ABHD14B: variants seen among roughly 807,000 people sequenced by gnomAD.
The protein encoded by ABHD14B is putative protein-lysine deacylase ABHD14B.
Under a neutral mutation model 15.4 loss-of-function variants are expected in ABHD14B, and 19 were observed. The ratio of observed to expected loss-of-function variants is 1.23; its 90% CI spans 0.86 to 1.81. The LOEUF is 1.81. Ranked by LOEUF, ABHD14B falls within the 40% of genes most tolerant of loss-of-function variation. ABHD14B has a pLI of 0.00. For missense variants in ABHD14B, 243 were observed against 267.0 expected (o/e 0.91, Z 0.63); for synonymous variants, 92 against 117.3 (o/e 0.78, Z 1.39).
In ABHD14B at chr3:51,970,087, G is replaced by A. The variant is rs565123236; in HGVS notation, c.309C>T (p.Gly103=). The A allele has an allele frequency of 1.2e-6, 2 of 1,602,822 alleles. No homozygotes were observed. The highest frequency in any genetic ancestry group is 1.7e-6 in the Non-Finnish European group (2 of 1,173,274). The part of the protein sequence containing the change: ...LAAVVDALEL[G]PPVVISPSLS... ...GTGATGGACTGATCACAACCGGGGG[G>A]CCCAGCTCCAAGGCATCCACCACAG... The change falls in exon 3 of 4, where the codon GGC becomes GGT. Residue 103 remains glycine (G), a synonymous_variant. Transcript: ENST00000361143.
At chr3:51,970,917 C>A (rs112540813) in intron 2 of ABHD14B, 4,961 of 443,146 alleles carry the variant, frequency 0.011, 209 homozygotes, top group African/African-American at 0.088. Context: ...CCCATCTACC[C>A]TAGAACCCAG....
At position 51,971,649 on chromosome 3, in the gene ABHD14B, G is replaced by A. The variant is rs141310936; in HGVS notation, c.22C>T (p.Arg8Cys). 8,392 of 1,611,668 alleles carry A rather than the reference G, an allele frequency of 5.2e-3. 43 individuals carry two copies. The highest frequency in any genetic ancestry group is 6.2e-3 in the Non-Finnish European group (7,348 of 1,179,240). The stretch of plus-strand genomic sequence containing the variant: ...CCCTGCACCTGGATGGTGCCCTCGC[G>A]CTGCTCCACGCTTGCTGCCATGCCT... MAASVEQ[R>C]EGTIQVQGQA... Residue 8 changes from arginine to cysteine, a missense_variant, in exon 2 of 4, where the codon CGC becomes TGC. Coordinates refer to ENST00000361143, the MANE Select transcript of ABHD14B (RefSeq NM_001146314.2).
At chr3:51,971,955 A>T in intron 1 of ABHD14B, 1 of 658,066 alleles carries the variant, frequency 1.5e-6, no homozygotes, top group Non-Finnish European at 2.1e-6. Flanking sequence ...AGTTTAAGAA[A>T]AATTATCGGC....
rs373861935 is a variant in ABHD14B at position 51,969,403 on chromosome 3, A to G, written c.*23T>C. The G allele has an allele frequency of 6.3e-4, 998 of 1,586,722 alleles. No individual in the cohort carries two copies. Among genetic ancestry groups the G allele is most frequent in the Non-Finnish European group, 7.6e-4 (886 of 1,165,682 alleles). ...AGAGCTCAGAGCAGGCAGGCAGCCC[A>G]CCCCCTGCAGCAGTGCTGGGCTTCA... On this transcript the variant is annotated 3_prime_UTR_variant, in exon 4 of 4. Transcript: ENST00000361143.
intron 1 of ABHD14B, among the ~76,000 whole-genome samples, chr3:51,973,098 T>G (rs1700688409): frequency 7.0e-6 from 1 of 142,378 alleles, no homozygotes; most frequent in African/African-American, 2.7e-5. Flanking sequence ...CAGGCTGGAG[T>G]GCAATGGCAC....
chr3:51,970,695 CCAA>C, intron 2 of ABHD14B: 1 of 457,174 alleles, frequency 2.2e-6, no homozygotes, highest in East Asian at 6.9e-5. Context: ...TCAGGCTTCA[CCAA>C]CAAGATTAGC....
chr3:51,973,787 G>T, intron 1 of ABHD14B, 178 bp downstream of exon 1: 2 of 1,266,712 alleles, frequency 1.6e-6, no homozygotes, highest in Admixed American at 2.3e-5. Context: ...TTGACCTCGC[G>T]GTCAGGTTGC....
In ABHD14B at chr3:51,969,585, A is replaced by G. The variant is rs569566555; in HGVS notation, c.474T>C (p.Tyr158=). Residue 158 remains tyrosine (Y), a synonymous_variant, in exon 4 of 4, where the codon TAT becomes TAC. Transcript: ENST00000361143. ...TCTGACCCATGGGGTCCTGGTCTCC[A>G]TATACAATCAGAGCTGGAGTCTGAG... ...ASVKTPALIV[Y]GDQDPMGQTS... 15 of 1,613,392 alleles carry G rather than the reference A, an allele frequency of 9.3e-6. No homozygotes were observed. The South Asian group carries it at 1.2e-4, about 13-fold the overall frequency.
chr3:51,973,646 G>C (rs1700709577), intron 1 of ABHD14B: 2 of 373,374 alleles, frequency 5.4e-6, no homozygotes, highest in Non-Finnish European at 1.0e-5. Context: ...ACCCCCAGTA[G>C]CTGGAACCAC....
Position 51,971,263 on chromosome 3 carries a change from T to G in ABHD14B, c.211+197A>C, listed in dbSNP as rs1202747194. 1.2e-5 allele frequency: 7 copies of G among 581,654 alleles called. No homozygotes were observed. The African/African-American group carries it at 1.3e-4, about 11-fold the overall frequency. The allele number at this position is 581,654 out of a possible 1,614,324, so 36.0% of individuals were successfully genotyped here. ...GAGCAGCTGGGCGGTGAGGACCACA[T>G]CTGGATCAAGACTGCTCAGAGGCCC... On this transcript the variant is annotated intron_variant, in intron 2 of 3. Transcript: ENST00000361143.
chr3:51,969,575 C>A lies in ABHD14B; in HGVS notation c.484G>T (p.Asp162Tyr). 6 of 1,613,664 alleles carry A rather than the reference C, an allele frequency of 3.7e-6. No individual in the cohort carries two copies. The highest frequency in any genetic ancestry group is 5.1e-6 in the Non-Finnish European group (6 of 1,179,950). Residue 162 changes from aspartate to tyrosine, a missense_variant, in exon 4 of 4, where the codon GAC (aspartate) becomes TAC (tyrosine). Transcript: ENST00000361143. ...TPALIVYGDQ[D>Y]PMGQTSFEHL... ...TCAAAGCTGGTCTGACCCATGGGGT[C>A]CTGGTCTCCATATACAATCAGAGCT...
intron 3 of ABHD14B, 37 bp downstream of exon 3, chr3:51,969,906 C>G (rs1184212781): frequency 6.2e-7 from 1 of 1,614,172 alleles, no homozygotes; most frequent in Non-Finnish European, 8.5e-7. Flanking sequence ...CTTCCTTGCT[C>G]CTGGCAGGGG....
intron 2 of ABHD14B, 42 bp from the exon 3 acceptor site, chr3:51,970,226 G>A: frequency 4.6e-6 from 7 of 1,516,060 alleles, no homozygotes; most frequent in Non-Finnish European, 3.5e-6. Context: ...CAAGGGCAGT[G>A]AATGGCAAAA....
intron 3 of ABHD14B, 51 bp downstream of exon 3, chr3:51,969,892 C>T (rs1700620864): frequency 6.2e-7 from 1 of 1,613,968 alleles, no homozygotes; most frequent in Non-Finnish European, 8.5e-7. Context: ...CCCAGGGATG[C>T]ACCCTTCCTT....
At chr3:51,973,921 T>G in intron 1 of ABHD14B, 44 bp downstream of exon 1, 1 of 1,289,626 alleles carries the variant, frequency 7.8e-7, no homozygotes, top group Non-Finnish European at 1.0e-6. Context: ...TGGGGTTGGA[T>G]TTTGACTGGA....
rs950715326 is a variant in ABHD14B, at chr3:51,969,177, TGGATTAC to T, written c.*242_*248del. ...GGAAGAACAGGAGAAGCTCATGTAATGGATTACCCTCCACAGGATTATGTTCCTTGAT... is the reference window on the plus strand; with the variant it reads ...GGAAGAACAGGAGAAGCTCATGTAATCCTCCACAGGATTATGTTCCTTGAT... On this transcript the variant is annotated 3_prime_UTR_variant, in exon 4 of 4. Transcript: ENST00000361143. 5.8e-5 allele frequency: 22 copies of T among 378,564 alleles called. No individual in the cohort carries two copies. The Admixed American group carries it at 8.2e-4, about 14-fold the overall frequency. 23.5% of individuals were successfully genotyped at this position (378,564 alleles called of 1,614,324 possible).
In ABHD14B at chr3:51,969,310, T is replaced by A. The variant is rs1347080416; in HGVS notation, c.*116A>T. The A allele has an allele frequency of 1.6e-6, 2 of 1,214,664 alleles. No individual in the cohort carries two copies. Among genetic ancestry groups the A allele is most frequent in the African/African-American group, 3.0e-5 (2 of 65,758 alleles). The allele number at this position is 1,214,664 out of a possible 1,614,324, so 75.2% of individuals were successfully genotyped here. On this transcript the variant is annotated 3_prime_UTR_variant, in exon 4 of 4. Coordinates refer to ENST00000361143, the MANE Select transcript of ABHD14B (RefSeq NM_001146314.2). Reference sequence around the variant, plus strand: ...ACCACAAAAGACAAGAACCCAGACATATAGACAGACGCACCTGTTGCATGT... The same window carrying A: ...ACCACAAAAGACAAGAACCCAGACAAATAGACAGACGCACCTGTTGCATGT...
At chr3:51,972,551 C>G (rs1266202353) in intron 1 of ABHD14B, among the ~76,000 whole-genome samples, 3 of 152,106 alleles carry the variant, frequency 2.0e-5, no homozygotes, top group Non-Finnish European at 4.4e-5. Context: ...CCAGACTGGG[C>G]AACAAGAGAA....
At position 51,970,183 on chromosome 3, in the gene ABHD14B, A is replaced by C. The variant is rs764987211; in HGVS notation, c.213T>G (p.Gly71=). 7.2e-6 allele frequency: 11 copies of C among 1,525,024 alleles called. No homozygotes were observed. Among genetic ancestry groups the C allele is most frequent in the Non-Finnish European group, 9.7e-6 (11 of 1,139,826 alleles). 94.5% of individuals were successfully genotyped at this position (1,525,024 alleles called of 1,614,324 possible). ...GYRAVAIDLP[G]LGHSKEAAAP... is the part of the protein sequence containing the mutation. ...CTGCTGCTTCCTTGGAGTGCCCCAG[A>C]CCTGCAGGGATTCAGGTGTGAAAGA... Residue 71 remains glycine, a splice_region_variant and synonymous_variant, in exon 3 of 4, where the codon GGT becomes GGG. Transcript: ENST00000361143.
Sources: allele counts gnomAD v4.1 joint callset (sites outside exome capture counted in the v4.1 genomes callset), GRCh38; gene constraint gnomAD v4.1.1; transcripts MANE v1.5; gene names NCBI Gene and HGNC (gene_info 2026-07-23, HGNC 2026-07-21).